The following RBMS2 variants were observed in gnomAD, a reference collection of about 807,000 sequenced individuals.
The protein encoded by RBMS2 is RNA binding motif single stranded interacting protein 2, also known as RNA-binding motif, single-stranded-interacting protein 2.
In RBMS2, 38 loss-of-function variants were observed where a neutral mutation model predicts 58.4. The observed-to-expected ratio is 0.65, with a 90% CI of 0.50 to 0.85. The LOEUF (loss-of-function observed/expected upper bound fraction) is 0.85. RBMS2 is among the 40% of genes least tolerant of loss of function. The pLI, the probability that RBMS2 is intolerant of heterozygous loss-of-function variation, is 0.00. For missense variants in RBMS2, 367 were observed against 503.7 expected (o/e 0.73, Z 2.60); for synonymous variants, 151 against 180.7 (o/e 0.84, Z 1.32).
In RBMS2 at chr12:56,593,755, C is replaced by G. The variant is rs1165438088; in HGVS notation, c.*4622C>G. 2 of 152,236 alleles carry G rather than the reference C, an allele frequency of 1.3e-5. No homozygotes were observed. Among genetic ancestry groups the G allele is most frequent in the Non-Finnish European group, 2.9e-5 (2 of 68,178 alleles). The allele number at this position is 152,236 out of a possible 1,614,324, so 9.4% of individuals were successfully genotyped here. A position where few individuals can be genotyped will look rare whatever the true frequency, so the allele number is the denominator to read the frequency against. On this transcript the variant is annotated 3_prime_UTR_variant, in exon 14 of 14. Coordinates refer to ENST00000262031, the MANE Select transcript of RBMS2 (RefSeq NM_002898.4). ...AGAGACAGGGTTTTGCCACATTGCC[C>G]AGGCTGGTGTTGAACTCCTGGGCTC...
At chr12:56,565,750 T>G (rs1336070083) in intron 2 of RBMS2, among the ~76,000 whole-genome samples, 1 of 152,112 alleles carries the variant, frequency 6.6e-6, no homozygotes, top group African/African-American at 2.4e-5. Flanking sequence ...CCTGCCTTTG[T>G]CCCAGTTGTC....
chr12:56,526,708 T>C (rs986089676), intron 1 of RBMS2, among the ~76,000 whole-genome samples: 8 of 138,392 alleles, frequency 5.8e-5, no homozygotes, highest in Non-Finnish European at 1.1e-4. Context: ...AGAGACAGGG[T>C]CTCAACACTG....
chr12:56,543,717 G>A lies in RBMS2; in HGVS notation c.67-18700G>A, dbSNP rs183530233. On this transcript the variant is annotated intron_variant, in intron 1 of 13. Coordinates refer to ENST00000262031, the MANE Select transcript of RBMS2 (RefSeq NM_002898.4). ...TGCCCTGTCCCCCAGGCTGGAGTGC[G>A]GTGGTGCAATCTTGATCTCAGCTCA... Among the ~76,000 whole-genome samples the A allele has an allele frequency of 1.1e-4, 17 of 151,304 alleles. No homozygotes were observed. In the East Asian group the frequency reaches 3.1e-3, roughly 27 times the overall value.
intron 1 of RBMS2, among the ~76,000 whole-genome samples, chr12:56,547,001 G>C (rs1289736587): frequency 6.6e-6 from 1 of 152,090 alleles, no homozygotes; most frequent in Non-Finnish European, 1.5e-5. Context: ...TAGGTATAAA[G>C]TGATAGCTTG....
chr12:56,574,293 A>G (rs1249173778), intron 5 of RBMS2, among the ~76,000 whole-genome samples: 1 of 152,220 alleles, frequency 6.6e-6, no homozygotes. Flanking sequence ...CATTCTAACT[A>G]TACTTACTAA....
chr12:56,568,825 C>T (rs1017121807), intron 2 of RBMS2, 150 bp from the exon 3 acceptor site: 15 of 667,008 alleles, frequency 2.2e-5, no homozygotes, highest in South Asian at 1.6e-4. Flanking sequence ...CTACTGCACC[C>T]GGCCCCCGTT....
At chr12:56,573,274 T>C (rs1437332689) in intron 5 of RBMS2, 31 of 788,814 alleles carry the variant, frequency 3.9e-5, no homozygotes, top group Admixed American at 6.3e-5. Context: ...GTCAGGAGTT[T>C]GAGACCAGCC....
At chr12:56,542,552 CT>C (rs1239883545) in intron 1 of RBMS2, among the ~76,000 whole-genome samples, 2,161 of 100,958 alleles carry the variant, frequency 0.021, 44 homozygotes, top group African/African-American at 0.069. Context: ...TCTTGTTTTT[CT>C]TTTTTTTTTT....
chr12:56,563,427 A>G (rs1321428981), intron 2 of RBMS2, among the ~76,000 whole-genome samples: 1 of 152,206 alleles, frequency 6.6e-6, no homozygotes, highest in East Asian at 1.9e-4. Flanking sequence ...TGCTGGAGAT[A>G]TTCCTTGGGA....
rs116427984 is a variant in RBMS2, at chr12:56,544,537, C to T, written c.67-17880C>T. ...TTCATGGTAACGTCTGGTAACCTAA[C>T]GTCTCAAGATAGTTTTAGTGGTTGG... On this transcript the variant is annotated intron_variant, in intron 1 of 13. Transcript: ENST00000262031. Among the ~76,000 whole-genome samples, 1,277 of 152,194 alleles carry T rather than the reference C, an allele frequency of 8.4e-3. 24 individuals carry two copies. The highest frequency in any genetic ancestry group is 0.029 in the African/African-American group (1,215 of 41,544).
intron 5 of RBMS2, chr12:56,572,946 C>T (rs1882534807): frequency 2.0e-6 from 2 of 984,380 alleles, no homozygotes; most frequent in Admixed American, 6.2e-5. Flanking sequence ...CTTCTTTGGG[C>T]TTTGGTATCT....
chr12:56,582,173 TG>T (rs746373877), intron 9 of RBMS2, 21 bp downstream of exon 9: 1 of 1,556,934 alleles, frequency 6.4e-7, no homozygotes, highest in South Asian at 1.1e-5. Flanking sequence ...GCCTGAAAAA[TG>T]GTGTGGTGGT....
In RBMS2 at chr12:56,523,433, T is replaced by C. The variant is rs964902269; in HGVS notation, c.66+1344T>C. Among the ~76,000 whole-genome samples, 8 of 152,218 alleles carry C rather than the reference T, an allele frequency of 5.3e-5. No homozygotes were observed. In the South Asian group the frequency reaches 1.0e-3, roughly 20 times the overall value. ...TATAGTAACCTTTCTACTATCTATA[T>C]GTATCCCGTAACATGTTGTATACCT... On this transcript the variant is annotated intron_variant, in intron 1 of 13. Transcript: ENST00000262031.
Position 56,592,777 on chromosome 12 carries a change from C to A in RBMS2, c.*3644C>A, listed in dbSNP as rs975848140. On this transcript the variant is annotated 3_prime_UTR_variant, in exon 14 of 14. Transcript: ENST00000262031. The stretch of plus-strand genomic sequence containing the variant: ...CTGCCCGCCTTAGCCTCCCAAAGTG[C>A]TGGGATTACAGGCGTGAGCCACCGC... 6.6e-6 allele frequency: 1 copy of A among 152,134 alleles called. No individual in the cohort carries two copies. The highest frequency in any genetic ancestry group is 2.4e-5 in the African/African-American group (1 of 41,380). 9.4% of individuals were successfully genotyped at this position (152,134 alleles called of 1,614,324 possible).
chr12:56,584,461 T>A (rs1399415733), intron 9 of RBMS2, among the ~76,000 whole-genome samples: 1 of 151,270 alleles, frequency 6.6e-6, no homozygotes, highest in African/African-American at 2.4e-5. Context: ...TTAAAATTTC[T>A]ATATAGTTAA....
chr12:56,582,936 C>T (rs1884176565), intron 9 of RBMS2, among the ~76,000 whole-genome samples: 1 of 152,172 alleles, frequency 6.6e-6, no homozygotes, highest in Non-Finnish European at 1.5e-5. Context: ...TCCCAAAGTG[C>T]TGCGCCACGC....
At chr12:56,523,917 C>G (rs1366022182) in intron 1 of RBMS2, among the ~76,000 whole-genome samples, 2 of 151,992 alleles carry the variant, frequency 1.3e-5, no homozygotes, top group Non-Finnish European at 2.9e-5. Context: ...TGTCTTTATT[C>G]TTTTCAAACC....
rs563728912 is a variant in RBMS2, at chr12:56,576,870, G to A, written c.543-4314G>A. ...AGCCTGGCCAAAATGGTGAAACCCC[G>A]TCTCTACTAAAAATATAAAAATTAG... On this transcript the variant is annotated intron_variant, in intron 5 of 13. Coordinates refer to ENST00000262031, the MANE Select transcript of RBMS2 (RefSeq NM_002898.4). Among the ~76,000 whole-genome samples, 9 of 151,330 alleles carry A rather than the reference G, an allele frequency of 5.9e-5. No individual in the cohort carries two copies. The East Asian group carries it at 9.8e-4, about 16-fold the overall frequency.
intron 1 of RBMS2, chr12:56,539,722 T>C (rs1308539102): frequency 2.2e-6 from 1 of 448,834 alleles, no homozygotes; most frequent in Non-Finnish European, 4.5e-6. Context: ...CAGACTGGAG[T>C]GCAATGGCGT....
Sources: allele counts gnomAD v4.1 joint callset (sites outside exome capture counted in the v4.1 genomes callset), GRCh38; gene constraint gnomAD v4.1.1; transcripts MANE v1.5; gene names NCBI Gene and HGNC (gene_info 2026-07-23, HGNC 2026-07-21).